Variants in PRKN observed in about 807,000 individuals in gnomAD.
The protein encoded by PRKN is E3 ubiquitin-protein ligase parkin.
Under a neutral mutation model 59.5 loss-of-function variants are expected in PRKN, and 56 were observed. The observed-to-expected ratio is 0.94, with a 90% CI of 0.76 to 1.18. PRKN has a LOEUF of 1.18. PRKN is among the 50% of genes most tolerant of loss of function. The pLI is 0.00. For missense variants in PRKN, 657 were observed against 596.4 expected (o/e 1.10, Z -1.06); for synonymous variants, 250 against 222.1 (o/e 1.13, Z -1.12).
chr6:162,706,589 C>G (rs559012047), intron 1 of PRKN, among the ~76,000 whole-genome samples: 8 of 152,286 alleles, frequency 5.3e-5, no homozygotes, highest in Non-Finnish European at 7.4e-5. Context: ...GGACTCATAT[C>G]CTCACTCTAA....
chr6:161,573,226 G>A lies in PRKN; in HGVS notation c.872-3810C>T, dbSNP rs184872120. Reference sequence around the variant, plus strand: ...GGGCCAACTCATCAGGGCCCTGTTCGGATCCCAAGCACTGCTTTAGTGTCA... The same window carrying A: ...GGGCCAACTCATCAGGGCCCTGTTCAGATCCCAAGCACTGCTTTAGTGTCA... On this transcript the variant is annotated intron_variant, in intron 7 of 11. Coordinates refer to ENST00000366898, the MANE Select transcript of PRKN (RefSeq NM_004562.3). 5.9e-5 allele frequency among the ~76,000 whole-genome samples: 9 copies of A among 152,166 alleles called. No homozygotes were observed. The East Asian group carries it at 1.4e-3, about 23-fold the overall frequency.
At chr6:161,680,773 A>ATTT (rs1486863145) in intron 7 of PRKN, among the ~76,000 whole-genome samples, 8 of 19,672 alleles carry the variant, frequency 4.1e-4, no homozygotes, top group Admixed American at 7.8e-4. Flanking sequence ...ATATATATAT[A>ATTT]TATTTTTTTT....
At chr6:162,329,491 C>T (rs964893983) in intron 2 of PRKN, among the ~76,000 whole-genome samples, 1 of 152,136 alleles carries the variant, frequency 6.6e-6, no homozygotes, top group African/African-American at 2.4e-5. Context: ...AAGCAAGTTC[C>T]TACCTCCTGA....
intron 7 of PRKN, among the ~76,000 whole-genome samples, chr6:161,777,012 T>C (rs1472579786): frequency 6.6e-6 from 1 of 152,216 alleles, no homozygotes; most frequent in Non-Finnish European, 1.5e-5. Context: ...GGCAGGCTTA[T>C]CTATTCACAC....
chr6:161,532,118 T>G (rs1779235371), intron 9 of PRKN, among the ~76,000 whole-genome samples: 1 of 151,034 alleles, frequency 6.6e-6, no homozygotes, highest in Non-Finnish European at 1.5e-5. Flanking sequence ...TCAATCAATC[T>G]ATCCATCCTA....
intron 7 of PRKN, among the ~76,000 whole-genome samples, chr6:161,682,194 A>T (rs1020625243): frequency 6.6e-6 from 1 of 152,148 alleles, no homozygotes; most frequent in Admixed American, 6.5e-5. Context: ...TCCACTGGGC[A>T]TGGCAGCAGT....
intron 7 of PRKN, among the ~76,000 whole-genome samples, chr6:161,617,455 A>G (rs2128149175): frequency 6.6e-6 from 1 of 152,326 alleles, no homozygotes; most frequent in Middle Eastern, 3.4e-3. Context: ...GAAAATGCTG[A>G]TGAGAAGAAA....
intron 2 of PRKN, among the ~76,000 whole-genome samples, chr6:162,277,695 C>A (rs770838928): frequency 5.9e-5 from 9 of 151,730 alleles, no homozygotes; most frequent in Non-Finnish European, 1.0e-4. Flanking sequence ...GGCTCCACAT[C>A]TTATGTCCTC....
rs1201390447 is a variant in PRKN, at chr6:161,488,401, T to C, written c.1083+60453A>G. On this transcript the variant is annotated intron_variant, in intron 9 of 11. Transcript: ENST00000366898. This position sits in a 1 kb window ranked among gnomAD's most constrained non-coding sequence, Gnocchi z 4.5. ...CTCCGGAGTGGAGCTGCTTAAACTG[T>C]TAGTATAAATTATAATGGAATTTAA... is the stretch of plus-strand genomic sequence containing the variant. 6.6e-6 allele frequency among the ~76,000 whole-genome samples: 1 copy of C among 152,168 alleles called. No homozygotes were observed. Among genetic ancestry groups the C allele is most frequent in the Non-Finnish European group, 1.5e-5 (1 of 68,028 alleles).
chr6:161,624,639 G>A (rs149718829), intron 7 of PRKN, among the ~76,000 whole-genome samples: 2 of 152,154 alleles, frequency 1.3e-5, no homozygotes, highest in Non-Finnish European at 2.9e-5. Flanking sequence ...AAACACATTC[G>A]CTTCTGTTTC....
chr6:162,164,072 G>C (rs1248258289), intron 4 of PRKN, among the ~76,000 whole-genome samples: 1 of 149,274 alleles, frequency 6.7e-6, no homozygotes, highest in Non-Finnish European at 1.5e-5. Flanking sequence ...CCCCTCTAGA[G>C]ACAGAGGAGG....
At chr6:162,681,831 A>C (rs1779780610) in intron 1 of PRKN, among the ~76,000 whole-genome samples, 1 of 152,126 alleles carries the variant, frequency 6.6e-6, no homozygotes, top group Non-Finnish European at 1.5e-5. Context: ...TTTGGGTCCA[A>C]ATAGACCCAA....
intron 5 of PRKN, among the ~76,000 whole-genome samples, chr6:162,011,588 T>C (rs1782720034): frequency 7.3e-6 from 1 of 137,788 alleles, no homozygotes; most frequent in South Asian, 2.2e-4. Context: ...TATTTTACTT[T>C]GTTTTGCAGT....
intron 6 of PRKN, among the ~76,000 whole-genome samples, chr6:161,829,439 G>C (rs113630588): frequency 2.0e-5 from 3 of 152,216 alleles, no homozygotes; most frequent in African/African-American, 7.2e-5. Context: ...ATGAATCTAG[G>C]CTTTTGGCGG....
At chr6:162,100,365 A>G (rs1048884568) in intron 4 of PRKN, among the ~76,000 whole-genome samples, 1 of 151,600 alleles carries the variant, frequency 6.6e-6, no homozygotes, top group Non-Finnish European at 1.5e-5. Context: ...GGCTGTACCA[A>G]TTTACATTCC....
At chr6:162,251,458 G>A (rs75861008) in intron 3 of PRKN, among the ~76,000 whole-genome samples, 1,813 of 152,226 alleles carry the variant, frequency 0.012, 38 homozygotes, top group African/African-American at 0.04. Context: ...CCCACTAGGC[G>A]GGAGTGCTGA....
At position 162,418,613 on chromosome 6, in the gene PRKN, A is replaced by AGTGTGTGT. The variant is rs140621171; in HGVS notation, c.171+24689_171+24696dup. Among the ~76,000 whole-genome samples, 1,030 of 126,392 alleles carry AGTGTGTGT rather than the reference A, an allele frequency of 8.1e-3. 27 individuals are homozygous for AGTGTGTGT. The highest frequency in any genetic ancestry group is 0.025 in the South Asian group (84 of 3,376). 82.9% of individuals were successfully genotyped at this position (126,392 alleles called of 152,430 possible). A position where few individuals can be genotyped will look rare whatever the true frequency, so the allele number is the denominator to read the frequency against. On this transcript the variant is annotated intron_variant, in intron 2 of 11. Transcript: ENST00000366898. ...AAGTGATGAAGAGAGAGGGACAGAC[A>AGTGTGTGT]GTGTGTGTGTGTGTGTGTGTGTGTG...
At chr6:161,771,030 G>A (rs1034827988) in intron 7 of PRKN, among the ~76,000 whole-genome samples, 12 of 152,096 alleles carry the variant, frequency 7.9e-5, no homozygotes, top group Admixed American at 2.6e-4. Context: ...CCCGGGCTGC[G>A]GTATTTTGTA....
intron 5 of PRKN, among the ~76,000 whole-genome samples, chr6:162,000,659 A>G (rs1371771283): frequency 6.6e-6 from 1 of 152,078 alleles, no homozygotes; most frequent in Non-Finnish European, 1.5e-5. Context: ...TTGTAATAAA[A>G]TCCAGCTTAT....
Sources: allele counts gnomAD v4.1 joint callset (sites outside exome capture counted in the v4.1 genomes callset), GRCh38; gene constraint gnomAD v4.1.1; non-coding constraint Gnocchi (gnomAD v3.1); transcripts MANE v1.5; gene names NCBI Gene and HGNC (gene_info 2026-07-23, HGNC 2026-07-21).